SGCZ: variants seen among roughly 807,000 people sequenced by gnomAD.
The protein encoded by SGCZ is zeta-sarcoglycan.
Under a neutral mutation model 41.3 loss-of-function variants are expected in SGCZ, and 40 were observed. That is an observed-to-expected ratio of 0.97 (90% CI 0.75 to 1.26). The LOEUF is 1.26. SGCZ is among the 50% of genes most tolerant of loss of function. The pLI is 0.00. For synonymous variants in SGCZ, 206 were observed against 137.5 expected (o/e 1.50, Z -3.49); for missense variants, 552 against 369.8 (o/e 1.49, Z -4.04).
At chr8:14,819,868 C>T (rs11988237) in intron 1 of SGCZ, among the ~76,000 whole-genome samples, 81,179 of 151,696 alleles carry the variant, frequency 0.54, 24,424 homozygotes, top group East Asian at 0.85. Flanking sequence ...AGCAGATACA[C>T]AAATAATAAA....
chr8:14,537,305 T>C (rs546808051), intron 2 of SGCZ, among the ~76,000 whole-genome samples: 10 of 152,046 alleles, frequency 6.6e-5, no homozygotes, highest in Non-Finnish European at 7.4e-5. Context: ...GGTCGTCTAG[T>C]GCAGTATCAT....
chr8:14,758,038 A>C (rs1039646208), intron 1 of SGCZ, among the ~76,000 whole-genome samples: 1 of 152,192 alleles, frequency 6.6e-6, no homozygotes, highest in East Asian at 1.9e-4. Flanking sequence ...AAATATATAA[A>C]ATATTATACC....
intron 1 of SGCZ, among the ~76,000 whole-genome samples, chr8:15,150,851 G>T (rs374621861): frequency 6.6e-6 from 1 of 152,146 alleles, no homozygotes; most frequent in African/African-American, 2.4e-5. Context: ...ATTTGCAGCT[G>T]ACTAAAGTCT....
At chr8:14,756,375 G>C (rs545502056) in intron 1 of SGCZ, among the ~76,000 whole-genome samples, 60 of 151,920 alleles carry the variant, frequency 3.9e-4, no homozygotes, top group Non-Finnish European at 5.6e-4. Context: ...AGTAGAGATG[G>C]GGTTTCTCCA....
intron 3 of SGCZ, among the ~76,000 whole-genome samples, chr8:14,284,546 C>A (rs915073895): frequency 6.6e-6 from 1 of 152,104 alleles, no homozygotes; most frequent in African/African-American, 2.4e-5. Flanking sequence ...AGATGGGTTT[C>A]CCTTTATTCA....
intron 2 of SGCZ, among the ~76,000 whole-genome samples, chr8:14,460,007 A>G (rs1800856764): frequency 6.6e-6 from 1 of 152,152 alleles, no homozygotes; most frequent in African/African-American, 2.4e-5. Flanking sequence ...TATCCTGGTG[A>G]AAAAAGAGAC....
At chr8:14,893,494 A>T (rs187819316) in intron 1 of SGCZ, among the ~76,000 whole-genome samples, 1 of 152,320 alleles carries the variant, frequency 6.6e-6, no homozygotes, top group African/African-American at 2.4e-5. Flanking sequence ...CAAAAAAGTG[A>T]CAAATTGGAT....
chr8:14,457,109 T>A (rs1322271087), intron 2 of SGCZ, among the ~76,000 whole-genome samples: 1 of 152,198 alleles, frequency 6.6e-6, no homozygotes. Context: ...CAGATATACC[T>A]CTCAGATATG....
At chr8:14,612,814 T>C (rs1267349287) in intron 1 of SGCZ, among the ~76,000 whole-genome samples, 1 of 152,126 alleles carries the variant, frequency 6.6e-6, no homozygotes, top group East Asian at 1.9e-4. Context: ...ACTGCTCAAG[T>C]TGCTGGGATT....
intron 1 of SGCZ, among the ~76,000 whole-genome samples, chr8:14,830,941 T>G (rs1463140684): frequency 6.6e-6 from 1 of 152,208 alleles, no homozygotes; most frequent in East Asian, 1.9e-4. Flanking sequence ...AATGTTTCCT[T>G]TCTATTTTAA....
At chr8:14,207,365 T>C (rs570473251) in intron 4 of SGCZ, among the ~76,000 whole-genome samples, 38 of 152,346 alleles carry the variant, frequency 2.5e-4, no homozygotes, top group Admixed American at 1.3e-3. Context: ...TATTCTGCCA[T>C]GACAGAGTAG....
intron 1 of SGCZ, among the ~76,000 whole-genome samples, chr8:15,190,349 C>T (rs1800492093): frequency 6.6e-6 from 1 of 151,936 alleles, no homozygotes; most frequent in South Asian, 2.1e-4. Flanking sequence ...TTCATTCATT[C>T]ATTCATTCAT....
intron 1 of SGCZ, among the ~76,000 whole-genome samples, chr8:15,200,835 T>C (rs932433084): frequency 6.6e-6 from 1 of 152,180 alleles, no homozygotes; most frequent in African/African-American, 2.4e-5. Flanking sequence ...TGTCACACTC[T>C]GCCTGAGTTC....
At chr8:15,216,367 G>A (rs576940473) in intron 1 of SGCZ, among the ~76,000 whole-genome samples, 3 of 151,632 alleles carry the variant, frequency 2.0e-5, no homozygotes, top group African/African-American at 7.3e-5. Context: ...CTACAGGCAC[G>A]CACCACCACG....
intron 3 of SGCZ, among the ~76,000 whole-genome samples, chr8:14,241,798 T>C (rs11988897): frequency 0.18 from 26,834 of 152,134 alleles, 2,463 homozygotes; most frequent in Admixed American, 0.22. Context: ...ACACACATAT[T>C]CTTCATGCCA....
At chr8:14,501,929 T>TA (rs1185589189) in intron 2 of SGCZ, among the ~76,000 whole-genome samples, 1 of 152,104 alleles carries the variant, frequency 6.6e-6, no homozygotes. Flanking sequence ...ATATGTTGAA[T>TA]AAAAATTACG....
chr8:15,181,481 TTCAGC>T (rs1159889975), intron 1 of SGCZ, among the ~76,000 whole-genome samples: 2 of 152,182 alleles, frequency 1.3e-5, no homozygotes, highest in East Asian at 3.9e-4. Context: ...ACTAAAATGT[TTCAGC>T]TCATACAAAC....
chr8:14,371,392 G>A (rs562457487), intron 2 of SGCZ, among the ~76,000 whole-genome samples: 1 of 152,024 alleles, frequency 6.6e-6, no homozygotes, highest in East Asian at 1.9e-4. Flanking sequence ...ACATTTTCCG[G>A]TATTAGCAAT....
intron 1 of SGCZ, among the ~76,000 whole-genome samples, chr8:14,603,379 G>C (rs1035373098): frequency 6.6e-6 from 1 of 151,792 alleles, no homozygotes; most frequent in East Asian, 1.9e-4. Flanking sequence ...GTTGAAAAAA[G>C]GCTATTCAAA....
Sources: allele counts gnomAD v4.1 joint callset (sites outside exome capture counted in the v4.1 genomes callset), GRCh38; gene constraint gnomAD v4.1.1; transcripts MANE v1.5; gene names NCBI Gene and HGNC (gene_info 2026-07-23, HGNC 2026-07-21).